SPON1: variants seen among roughly 807,000 people sequenced by gnomAD.
SPON1 encodes spondin 1.
Under a neutral mutation model 111.7 loss-of-function variants are expected in SPON1, and 52 were observed. The ratio of observed to expected loss-of-function variants is 0.47; its 90% confidence interval spans 0.37 to 0.59. The LOEUF (loss-of-function observed/expected upper bound fraction) is 0.59. SPON1 is among the 20% of genes least tolerant of loss of function. The pLI, the probability that SPON1 is intolerant of heterozygous loss-of-function variation, is 0.00. For missense variants in SPON1, 957 were observed against 1,068.5 expected (o/e 0.90, Z 1.46); for synonymous variants, 410 against 395.8 (o/e 1.04, Z -0.43).
chr11:14,225,349 T>G (rs1378736819), intron 6 of SPON1, among the ~76,000 whole-genome samples: 2 of 152,166 alleles, frequency 1.3e-5, no homozygotes, highest in African/African-American at 2.4e-5. Flanking sequence ...ACGGAAAAAT[T>G]TATTATAAAA....
intron 1 of SPON1, among the ~76,000 whole-genome samples, chr11:13,969,189 G>A (rs1484449471): frequency 7.5e-6 from 1 of 133,606 alleles, no homozygotes; most frequent in Non-Finnish European, 1.6e-5. Context: ...AAATCAGCCT[G>A]GACAATATGG....
intron 15 of SPON1, among the ~76,000 whole-genome samples, chr11:14,263,650 T>G (rs1016834812): frequency 2.0e-5 from 3 of 152,198 alleles, no homozygotes; most frequent in Admixed American, 6.5e-5. Flanking sequence ...AGCATCATCT[T>G]ACATTGACTG....
chr11:14,125,364 C>T (rs1388666793), intron 5 of SPON1, among the ~76,000 whole-genome samples: 1 of 152,134 alleles, frequency 6.6e-6, no homozygotes, highest in East Asian at 1.9e-4. Flanking sequence ...ATGGGTTAAC[C>T]TTGGCTTTTT....
intron 6 of SPON1, among the ~76,000 whole-genome samples, chr11:14,149,043 A>C (rs12806984): frequency 0.39 from 59,440 of 151,680 alleles, 11,840 homozygotes; most frequent in East Asian, 0.54. Context: ...CTATACTGTA[A>C]TTTCTATCAT....
rs1223565914 is a variant in SPON1, at chr11:14,161,191, CTATATATA to C, written c.825+25625_825+25632del. ...TCTATATATCTATATATTTATATAT[CTATATATA>C]TTTATATATTTATATATATCTATAT... On this transcript the variant is annotated intron_variant, in intron 6 of 15. Transcript: ENST00000576479. Among the ~76,000 whole-genome samples, 34 of 27,960 alleles carry C rather than the reference CTATATATA, an allele frequency of 1.2e-3. 4 individuals carry two copies. The highest frequency in any genetic ancestry group is 3.5e-3 in the African/African-American group (32 of 9,020). The allele number at this position is 27,960 out of a possible 152,430, so 18.3% of individuals were successfully genotyped here.
intron 5 of SPON1, among the ~76,000 whole-genome samples, chr11:14,101,566 A>G (rs1204372443): frequency 1.3e-5 from 2 of 151,834 alleles, no homozygotes; most frequent in African/African-American, 4.8e-5. Flanking sequence ...GGTGACTCAG[A>G]TATTGTCACT....
chr11:14,137,780 G>A (rs1261955384), intron 6 of SPON1, among the ~76,000 whole-genome samples: 1 of 152,108 alleles, frequency 6.6e-6, no homozygotes. Flanking sequence ...AGGCCTACCT[G>A]TATAATTTCC....
chr11:14,216,881 T>G (rs985643667), intron 6 of SPON1, among the ~76,000 whole-genome samples: 1 of 152,158 alleles, frequency 6.6e-6, no homozygotes, highest in Non-Finnish European at 1.5e-5. Context: ...AAAGAATTAG[T>G]TGATAAAGAA....
chr11:14,061,327 A>G (rs1848789594), intron 3 of SPON1, among the ~76,000 whole-genome samples: 1 of 152,218 alleles, frequency 6.6e-6, no homozygotes, highest in Admixed American at 6.5e-5. Flanking sequence ...GTGTGTGTGA[A>G]TGTACACAAC....
intron 2 of SPON1, among the ~76,000 whole-genome samples, chr11:13,991,152 A>C (rs535762631): frequency 1.6e-4 from 25 of 152,294 alleles, no homozygotes; most frequent in Middle Eastern, 3.4e-3. Context: ...CTCCTGGATA[A>C]TATCCTGAAA....
intron 6 of SPON1, among the ~76,000 whole-genome samples, chr11:14,158,373 T>C (rs541905753): frequency 6.6e-6 from 1 of 152,304 alleles, no homozygotes; most frequent in South Asian, 2.1e-4. Flanking sequence ...TAGCCACTAA[T>C]TTCTACCCAG....
Position 14,259,635 on chromosome 11 carries a change from C to T in SPON1, c.1765C>T (p.Pro589Ser), listed in dbSNP as rs1174288521. 2.6e-5 allele frequency: 40 copies of T among 1,564,202 alleles called. No homozygotes were observed. The highest frequency in any genetic ancestry group is 1.1e-4 in the Admixed American group (6 of 52,390). ...GCGGCACCGCATGATCAAGATGAAC[C>T]CCGCAGATGGCTCCATGTGCAAAGC... ...KKRHRMIKMN[P>S]ADGSMCKAET... is the part of the protein sequence containing the mutation. The change falls in exon 13 of 16, where the codon CCC becomes TCC. Residue 589 changes from proline to serine, a missense_variant. Pro to Ser is a moderately conservative substitution (Grantham distance 74, BLOSUM62 -1). Around this residue, in one of 5 missense-constraint regions of SPON1, gnomAD observed 549 missense variants for 606.2 expected, o/e 0.91. Coordinates refer to ENST00000576479, the MANE Select transcript of SPON1 (RefSeq NM_006108.4). This position sits in a 1 kb window ranked among gnomAD's most constrained non-coding sequence, Gnocchi z 5.0.
At chr11:14,164,091 A>G (rs1847999561) in intron 6 of SPON1, among the ~76,000 whole-genome samples, 2 of 152,202 alleles carry the variant, frequency 1.3e-5, no homozygotes, top group African/African-American at 4.8e-5. Flanking sequence ...TGCCTGGCAC[A>G]AATCAGGTTG....
chr11:14,195,871 A>G (rs1162036536), intron 6 of SPON1, among the ~76,000 whole-genome samples: 3 of 152,122 alleles, frequency 2.0e-5, no homozygotes, highest in African/African-American at 7.2e-5. Context: ...AACCATCCTT[A>G]ATGAATACCT....
At chr11:14,263,613 A>G (rs1200166406) in intron 15 of SPON1, among the ~76,000 whole-genome samples, 1 of 152,224 alleles carries the variant, frequency 6.6e-6, no homozygotes, top group African/African-American at 2.4e-5. Context: ...AGAACAATGC[A>G]CCAAGTGCTC....
At chr11:14,194,350 T>C (rs1848378368) in intron 6 of SPON1, among the ~76,000 whole-genome samples, 1 of 152,194 alleles carries the variant, frequency 6.6e-6, no homozygotes, top group South Asian at 2.1e-4. Flanking sequence ...TTCAGCTCCC[T>C]AAACAGCAAA....
At chr11:14,044,326 T>A (rs1264830110) in intron 3 of SPON1, among the ~76,000 whole-genome samples, 1 of 152,108 alleles carries the variant, frequency 6.6e-6, no homozygotes, top group African/African-American at 2.4e-5. Flanking sequence ...ATCCATGACA[T>A]CTTGGCTGGA....
chr11:14,094,468 T>G (rs943193790), intron 5 of SPON1, among the ~76,000 whole-genome samples: 1 of 152,108 alleles, frequency 6.6e-6, no homozygotes, highest in Non-Finnish European at 1.5e-5. Flanking sequence ...AAAATTTTAA[T>G]TAAAATTTTA....
intron 3 of SPON1, among the ~76,000 whole-genome samples, chr11:14,053,589 T>C (rs1302871931): frequency 6.6e-6 from 1 of 152,242 alleles, no homozygotes; most frequent in Non-Finnish European, 1.5e-5. Flanking sequence ...ATGAGAACTT[T>C]GGGCAACAGT....
Sources: gnomAD v4.1 joint callset for allele counts (sites outside exome capture counted in the v4.1 genomes callset) on GRCh38, gnomAD v4.1.1 for gene constraint, gnomAD v4.1.1 regional missense constraint, Gnocchi (gnomAD v3.1) non-coding constraint, MANE v1.5 for transcripts, NCBI Gene and HGNC (gene_info 2026-07-23, HGNC 2026-07-21) for gene names.